Variants in EXOC6 observed in about 807,000 individuals in gnomAD.
EXOC6 encodes exocyst complex component 6.
In EXOC6, 60 loss-of-function variants were observed where a neutral mutation model predicts 112.5. The ratio of observed to expected loss-of-function variants is 0.53; its 90% CI spans 0.43 to 0.66. The LOEUF (loss-of-function observed/expected upper bound fraction) is 0.66, where lower values mean the gene tolerates loss of function less well. Ranked by LOEUF, EXOC6 falls within the 30% of genes least tolerant of loss-of-function variation. The pLI is 0.00. For synonymous variants in EXOC6, 295 were observed against 308.0 expected (o/e 0.96, Z 0.44); for missense variants, 855 against 957.1 (o/e 0.89, Z 1.41).
At chr10:92,948,573 C>CACTGCTACTACT (rs1554900787) in intron 14 of EXOC6, among the ~76,000 whole-genome samples, 194 bp downstream of exon 14, 2 of 140,174 alleles carry the variant, frequency 1.4e-5, no homozygotes, top group Non-Finnish European at 3.1e-5. Context: ...CTACTACTAC[C>CACTGCTACTACT]ACTACTACTA....
intron 17 of EXOC6, among the ~76,000 whole-genome samples, chr10:92,968,182 CT>C (rs10593908): frequency 0.53 from 71,265 of 135,156 alleles, 19,578 homozygotes; most frequent in East Asian, 0.75. Context: ...AGTGTTTCAC[CT>C]TTTTTTTTTT....
At chr10:92,896,173 ATATATATATTTTTTTT>A (rs1849795512) in intron 4 of EXOC6, among the ~76,000 whole-genome samples, 2 of 23,802 alleles carry the variant, frequency 8.4e-5, no homozygotes, top group African/African-American at 1.9e-4. Context: ...ATATATATAT[ATATATATATTTTTTTT>A]TTTTTTTTTT....
chr10:92,892,300 C>T (rs1203606215), intron 1 of EXOC6, among the ~76,000 whole-genome samples: 2 of 152,200 alleles, frequency 1.3e-5, no homozygotes, highest in African/African-American at 2.4e-5. Context: ...GAGAGTTCCA[C>T]GAGTGAGCTT....
rs186603464 is a variant in EXOC6, at chr10:92,973,173, C to T, written c.1774-880C>T. Among the ~76,000 whole-genome samples the T allele has an allele frequency of 4.5e-4, 69 of 152,304 alleles. 1 individual carries two copies. The East Asian group carries it at 0.013, about 28-fold the overall frequency. The stretch of plus-strand genomic sequence containing the variant: ...AATAGGCATGGAGTCTTCCAGGGAA[C>T]CACCAGATAGGTCAAATAATGATAA... On this transcript the variant is annotated intron_variant, in intron 17 of 21. Transcript: ENST00000260762.
At chr10:92,969,009 T>C (rs1318351279) in intron 17 of EXOC6, among the ~76,000 whole-genome samples, 1 of 152,192 alleles carries the variant, frequency 6.6e-6, no homozygotes, top group Non-Finnish European at 1.5e-5. Flanking sequence ...TTGACACTTC[T>C]CTCATTGAGA....
chr10:92,997,470 A>G lies in EXOC6; in HGVS notation c.1954-4A>G. On this transcript the variant is annotated splice_polypyrimidine_tract_variant and splice_region_variant and intron_variant, in intron 18 of 21. Coordinates refer to ENST00000260762, the MANE Select transcript of EXOC6 (RefSeq NM_019053.6). ...TTGATTTTTGGTTTGATTGTTTTAA[A>G]CAGGGGAAAGTTGCTCAGACAGCTT... 1 of 1,601,878 alleles carries G rather than the reference A, an allele frequency of 6.2e-7. No homozygotes were observed. The highest frequency in any genetic ancestry group is 8.5e-7 in the Non-Finnish European group (1 of 1,173,312).
At chr10:92,954,593 AT>A in intron 15 of EXOC6, 36 bp from the exon 16 acceptor site, 1 of 1,018,484 alleles carries the variant, frequency 9.8e-7, no homozygotes, top group Non-Finnish European at 1.5e-6. Flanking sequence ...CACATTCATT[AT>A]TTATTAAGTT....
rs1452949054 is a variant in EXOC6, at chr10:92,894,960, T to C, written c.352T>C (p.Cys118Arg). 6.2e-7 allele frequency: 1 copy of C among 1,612,786 alleles called. No homozygotes were observed. Among genetic ancestry groups the C allele is most frequent in the African/African-American group, 1.3e-5 (1 of 74,900 alleles). ...VIVHTEDIIR[C>R]RIQQRNITTV... ...AGTCCACACAGAAGATATCATTCGA[T>C]GTAGAATTCAGCAGAGAAATATTAC... The change falls in exon 4 of 22, where the codon TGT becomes CGT. Residue 118 changes from cysteine to arginine, a missense_variant. This residue lies in a region of EXOC6 where 405 missense variants were observed against 393.6 expected (regional missense o/e 1.03). Transcript: ENST00000260762.
chr10:92,851,367 C>T (rs1278500404), intron 1 of EXOC6, among the ~76,000 whole-genome samples: 1 of 152,084 alleles, frequency 6.6e-6, no homozygotes, highest in Non-Finnish European at 1.5e-5. Flanking sequence ...ATAACAGGGC[C>T]AGGCGCGGTG....
At chr10:93,037,586 C>T (rs569866809) in intron 20 of EXOC6, among the ~76,000 whole-genome samples, 88 of 151,850 alleles carry the variant, frequency 5.8e-4, no homozygotes, top group African/African-American at 2.0e-3. Context: ...ATTACAGGCA[C>T]GTGCCACCAC....
intron 1 of EXOC6, among the ~76,000 whole-genome samples, chr10:92,856,257 T>G (rs899925646): frequency 1.3e-5 from 2 of 151,946 alleles, no homozygotes; most frequent in Non-Finnish European, 2.9e-5. Flanking sequence ...TCTTTTTTAT[T>G]ATGATGGAAC....
intron 13 of EXOC6, 74 bp downstream of exon 13, chr10:92,940,898 T>A: frequency 1.1e-6 from 1 of 924,218 alleles, no homozygotes; most frequent in Non-Finnish European, 1.7e-6. Flanking sequence ...TTGCATATAT[T>A]AATAAAAATG....
In EXOC6 at chr10:92,843,255, C is replaced by A. The variant is rs554289018; in HGVS notation, c.86+8431C>A. On this transcript the variant is annotated intron_variant, in intron 1 of 21. Coordinates refer to the EXOC6 transcript ENST00000371552. ...CAGCTGGGCTTTGTTTATTCTCTTG[C>A]ACTTACAGAGTGTGGCCACTTGGGG... 3.9e-5 allele frequency among the ~76,000 whole-genome samples: 6 copies of A among 152,294 alleles called. No homozygotes were observed. In the South Asian group the frequency reaches 1.2e-3, roughly 32 times the overall value.
chr10:92,982,456 C>T (rs998844030), intron 18 of EXOC6, among the ~76,000 whole-genome samples: 2 of 12,292 alleles, frequency 1.6e-4, no homozygotes, highest in Non-Finnish European at 2.4e-4. Context: ...TAAAAATGGT[C>T]TAGAAAATGA....
intron 1 of EXOC6, among the ~76,000 whole-genome samples, chr10:92,838,404 TG>T (rs1846729540): frequency 6.6e-6 from 1 of 152,224 alleles, no homozygotes; most frequent in Non-Finnish European, 1.5e-5. Context: ...GCCCTTGTGT[TG>T]GCTCCTTTGG....
intron 17 of EXOC6, among the ~76,000 whole-genome samples, chr10:92,956,923 T>A (rs900670106): frequency 1.3e-5 from 2 of 152,098 alleles, no homozygotes; most frequent in African/African-American, 4.8e-5. Context: ...AGGAAGATAC[T>A]TAGCCCAGAG....
At chr10:92,936,641 T>A (rs1852359075) in intron 12 of EXOC6, among the ~76,000 whole-genome samples, 1 of 152,212 alleles carries the variant, frequency 6.6e-6, no homozygotes, top group South Asian at 2.1e-4. Context: ...ATTTTTCTTT[T>A]TATTGGGAGT....
chr10:93,056,959 T>C lies in EXOC6; in HGVS notation c.2205T>C (p.Thr735=), dbSNP rs1479938203. ...TGTTTATGGTTTGGGATTGGTCTAC[T>C]TACCTAGCTGATTATGGGCAGCCAG... ...LDLFMVWDWS[T]YLADYGQPAS... Residue 735 remains threonine (T), a synonymous_variant, in exon 21 of 22, where the codon ACT becomes ACC. Transcript: ENST00000260762. 6.2e-7 allele frequency: 1 copy of C among 1,601,244 alleles called. No individual in the cohort carries two copies. The highest frequency in any genetic ancestry group is 1.7e-5 in the Admixed American group (1 of 57,226).
chr10:93,020,794 A>T (rs1007014012), intron 20 of EXOC6, among the ~76,000 whole-genome samples: 4 of 152,020 alleles, frequency 2.6e-5, no homozygotes, highest in South Asian at 2.1e-4. Flanking sequence ...AGTACTCTAA[A>T]ATACAGTGCT....
Sources: gnomAD v4.1 joint callset for allele counts (sites outside exome capture counted in the v4.1 genomes callset) on GRCh38, gnomAD v4.1.1 for gene constraint, gnomAD v4.1.1 regional missense constraint, MANE v1.5 for transcripts, NCBI Gene and HGNC (gene_info 2026-07-23, HGNC 2026-07-21) for gene names.